ARHGAP10: variants seen among roughly 807,000 people sequenced by gnomAD.
ARHGAP10 encodes the protein rho GTPase-activating protein 10.
In ARHGAP10, 87 loss-of-function variants were observed where a neutral mutation model predicts 108.6. The observed-to-expected ratio is 0.80, with a 90% CI of 0.67 to 0.96. The LOEUF (loss-of-function observed/expected upper bound fraction) is 0.96, where lower values mean the gene tolerates loss of function less well. Among genes scored for constraint, ARHGAP10 ranks in the 40% least tolerant of loss-of-function variants. The pLI, the probability that ARHGAP10 is intolerant of heterozygous loss-of-function variation, is 0.00. For synonymous variants in ARHGAP10, 347 were observed against 341.1 expected (o/e 1.02, Z -0.19); for missense variants, 939 against 954.5 (o/e 0.98, Z 0.21).
At chr4:147,861,553 G>T (rs1386877273) in intron 5 of ARHGAP10, 2 of 152,370 alleles carry the variant, frequency 1.3e-5, no homozygotes, top group African/African-American at 4.8e-5. Context: ...AGAGGAATGA[G>T]GTATGGAGAC....
chr4:147,752,300 T>C (rs1354066494), intron 1 of ARHGAP10, among the ~76,000 whole-genome samples: 1 of 152,218 alleles, frequency 6.6e-6, no homozygotes, highest in Non-Finnish European at 1.5e-5. Flanking sequence ...CAAAGCTTAC[T>C]TTCGGGAAAT....
intron 10 of ARHGAP10, among the ~76,000 whole-genome samples, chr4:147,905,943 C>T (rs1454281252): frequency 3.3e-5 from 5 of 152,108 alleles, no homozygotes; most frequent in Admixed American, 1.3e-4. Context: ...TGAAGAGGTC[C>T]TTCACGTTCC....
At chr4:148,012,032 T>G (rs1741188547) in intron 18 of ARHGAP10, among the ~76,000 whole-genome samples, 2 of 152,224 alleles carry the variant, frequency 1.3e-5, no homozygotes, top group Non-Finnish European at 2.9e-5. Context: ...GGCCATGTCT[T>G]ACTGATGATA....
chr4:147,891,395 C>T (rs1413289059), intron 10 of ARHGAP10, among the ~76,000 whole-genome samples: 1 of 152,128 alleles, frequency 6.6e-6, no homozygotes, highest in Non-Finnish European at 1.5e-5. Flanking sequence ...ATGTGCAGGA[C>T]AGACACATCT....
intron 20 of ARHGAP10, among the ~76,000 whole-genome samples, chr4:148,052,208 C>T (rs1247555554): frequency 1.3e-5 from 2 of 151,988 alleles, no homozygotes; most frequent in Non-Finnish European, 2.9e-5. Flanking sequence ...TTCACTTCCT[C>T]CTTTCCTCTC....
At chr4:147,956,749 CCTTTTTTTTTTT>C (rs925767602) in intron 16 of ARHGAP10, among the ~76,000 whole-genome samples, 1 of 144,248 alleles carries the variant, frequency 6.9e-6, no homozygotes, top group African/African-American at 2.7e-5. Flanking sequence ...TTTTTTTTTT[CCTTTTTTTTTTT>C]CTTTTATTAT....
chr4:147,974,808 C>T (rs533904248), intron 18 of ARHGAP10, among the ~76,000 whole-genome samples: 4 of 152,270 alleles, frequency 2.6e-5, no homozygotes, highest in South Asian at 4.1e-4. Context: ...CTGGGGAGGC[C>T]TCACAATCAT....
At chr4:147,937,175 C>G (rs1463625884) in intron 13 of ARHGAP10, among the ~76,000 whole-genome samples, 1 of 152,092 alleles carries the variant, frequency 6.6e-6, no homozygotes, top group Non-Finnish European at 1.5e-5. Context: ...TCAATTTTCT[C>G]ACAATTCTGG....
chr4:147,997,847 A>G (rs2149641671), intron 18 of ARHGAP10, among the ~76,000 whole-genome samples: 1 of 152,354 alleles, frequency 6.6e-6, no homozygotes, highest in Non-Finnish European at 1.5e-5. Flanking sequence ...CAAATTTAGG[A>G]ATTACCAACA....
At chr4:148,021,858 A>T (rs189749122) in intron 18 of ARHGAP10, among the ~76,000 whole-genome samples, 26 of 152,346 alleles carry the variant, frequency 1.7e-4, no homozygotes, top group African/African-American at 5.5e-4. Flanking sequence ...TTAAATTTTC[A>T]CTAGCACATA....
chr4:147,737,411 T>C (rs1728467804), intron 1 of ARHGAP10, among the ~76,000 whole-genome samples: 1 of 151,062 alleles, frequency 6.6e-6, no homozygotes, highest in African/African-American at 2.4e-5. Flanking sequence ...CACCTCGGCC[T>C]CCCAAAGTGC....
chr4:147,781,155 G>C (rs562928632), intron 1 of ARHGAP10, among the ~76,000 whole-genome samples: 1 of 152,028 alleles, frequency 6.6e-6, no homozygotes, highest in Admixed American at 6.6e-5. Context: ...TCAAGAGATC[G>C]AGACCATTCT....
At chr4:147,870,753 T>C (rs1734781690) in intron 7 of ARHGAP10, among the ~76,000 whole-genome samples, 1 of 152,150 alleles carries the variant, frequency 6.6e-6, no homozygotes, top group Admixed American at 6.5e-5. Context: ...CCGAAGAATG[T>C]GGGGAAGAAG....
At chr4:147,893,524 A>G (rs1460078226) in intron 10 of ARHGAP10, among the ~76,000 whole-genome samples, 1 of 147,768 alleles carries the variant, frequency 6.8e-6, no homozygotes, top group Non-Finnish European at 1.5e-5. Context: ...AAGAATATAT[A>G]TATTTCAGTA....
rs776760073 is a variant in ARHGAP10, at chr4:147,965,147, C to T, written c.1556+18C>T. 16 of 1,576,318 alleles carry T rather than the reference C, an allele frequency of 1.0e-5. No individual in the cohort carries two copies. Among genetic ancestry groups the T allele is most frequent in the Middle Eastern group, 1.7e-4 (1 of 5,948 alleles). On this transcript the variant is annotated intron_variant, in intron 17 of 22. Transcript: ENST00000336498. ...TTAACAAAGTAAGCCTCTTTTTCTTCGTTTTAACTTTCTTCACTTTGCTCT... is the reference window on the plus strand; with the variant it reads ...TTAACAAAGTAAGCCTCTTTTTCTTTGTTTTAACTTTCTTCACTTTGCTCT...
At chr4:147,866,588 C>T (rs1247103147) in intron 6 of ARHGAP10, 124 bp from the exon 7 acceptor site, 1 of 649,940 alleles carries the variant, frequency 1.5e-6, no homozygotes. Flanking sequence ...AGTGACTTCC[C>T]TTTAATCAGT....
At chr4:147,765,301 C>T (rs1405038195) in intron 1 of ARHGAP10, among the ~76,000 whole-genome samples, 1 of 125,738 alleles carries the variant, frequency 8.0e-6, no homozygotes, top group Admixed American at 9.2e-5. Flanking sequence ...CACATTAGAA[C>T]AGGGATGGGT....
At chr4:147,965,262 G>T in intron 17 of ARHGAP10, 133 bp downstream of exon 17, 1 of 580,564 alleles carries the variant, frequency 1.7e-6, no homozygotes, top group Non-Finnish European at 3.0e-6. Flanking sequence ...CATTGTGTGT[G>T]TTTTGGATAA....
chr4:147,951,434 A>G (rs1462667066), intron 15 of ARHGAP10, among the ~76,000 whole-genome samples: 1 of 148,994 alleles, frequency 6.7e-6, no homozygotes, highest in African/African-American at 2.5e-5. Flanking sequence ...TCTTTGTGAA[A>G]TGGGAATGTA....
Sources: allele counts gnomAD v4.1 joint callset (sites outside exome capture counted in the v4.1 genomes callset), GRCh38; gene constraint gnomAD v4.1.1; transcripts MANE v1.5; gene names NCBI Gene and HGNC (gene_info 2026-07-23, HGNC 2026-07-21).